Variants in KSR1 observed in about 807,000 individuals in gnomAD.
The protein encoded by KSR1 is kinase suppressor of ras 1, also known as kinase suppressor of ras.
KSR1 carries 35 observed loss-of-function variants against 92.9 expected under a neutral mutation model. The ratio of observed to expected loss-of-function variants is 0.38; its 90% CI spans 0.29 to 0.50. The LOEUF (loss-of-function observed/expected upper bound fraction) is 0.50. Among genes scored for constraint, KSR1 ranks in the 20% least tolerant of loss-of-function variants. The probability of loss-of-function intolerance (pLI) is 0.94; values close to 1 mark genes in which losing one functional copy is unlikely to be tolerated. For missense variants in KSR1, 972 were observed against 1,158.5 expected (o/e 0.84, Z 2.34); for synonymous variants, 467 against 472.6 (o/e 0.99, Z 0.15).
chr17:27,571,579 C>A (rs1384524568), intron 2 of KSR1, among the ~76,000 whole-genome samples: 1 of 152,230 alleles, frequency 6.6e-6, no homozygotes, highest in Non-Finnish European at 1.5e-5. Context: ...CTGGTCTGAC[C>A]AGTTCCTGGG....
intron 19 of KSR1, among the ~76,000 whole-genome samples, chr17:27,618,641 A>G (rs1162794573): frequency 1.3e-5 from 2 of 152,204 alleles, no homozygotes; most frequent in African/African-American, 4.8e-5. Flanking sequence ...AGCATAAACC[A>G]GGGAGCTGGC....
At chr17:27,485,694 G>A (rs1352764703) in intron 1 of KSR1, among the ~76,000 whole-genome samples, 2 of 152,178 alleles carry the variant, frequency 1.3e-5, no homozygotes, top group Non-Finnish European at 2.9e-5. Context: ...CACGTGTTGG[G>A]GGCAAAATCG....
intron 1 of KSR1, among the ~76,000 whole-genome samples, chr17:27,476,156 G>C (rs941543466): frequency 6.6e-6 from 1 of 152,234 alleles, no homozygotes; most frequent in African/African-American, 2.4e-5. Context: ...CTCCTGCCCC[G>C]GGGGGACCAT....
At position 27,599,664 on chromosome 17, in the gene KSR1, T is replaced by C. The variant is rs189790767; in HGVS notation, c.1469-1696T>C. On this transcript the variant is annotated intron_variant, in intron 10 of 20. Transcript: ENST00000644974. Reference sequence around the variant, plus strand: ...CTTTATAAACACTAAACACTTAGGCTATACTAAATTTATTTTAAAATATTC... The same window carrying C: ...CTTTATAAACACTAAACACTTAGGCCATACTAAATTTATTTTAAAATATTC... Among the ~76,000 whole-genome samples, 3 of 152,348 alleles carry C rather than the reference T, an allele frequency of 2.0e-5. No homozygotes were observed. In the East Asian group the frequency reaches 5.8e-4, roughly 29 times the overall value.
chr17:27,606,936 A>G (rs1171199639), intron 14 of KSR1, among the ~76,000 whole-genome samples: 1 of 152,084 alleles, frequency 6.6e-6, no homozygotes, highest in Non-Finnish European at 1.5e-5. Flanking sequence ...GGCTCAAGCA[A>G]TTTTCGTGCC....
rs1357520068 is a variant in KSR1 at position 27,597,560 on chromosome 17, A to G, written c.1468+124A>G. 3.8e-6 allele frequency: 4 copies of G among 1,044,008 alleles called. No individual in the cohort carries two copies. In the African/African-American group the frequency reaches 4.8e-5, roughly 13 times the overall value. The allele number at this position is 1,044,008 out of a possible 1,614,324, so 64.7% of individuals were successfully genotyped here. On this transcript the variant is annotated intron_variant, in intron 10 of 20. Coordinates refer to ENST00000644974, the MANE Select transcript of KSR1 (RefSeq NM_001394583.1). ...AGCTAAGAGCTGATGTTTATGAAGT[A>G]CTTGTCCGGCGCCCCAAGCACAATA... is the stretch of plus-strand genomic sequence containing the variant.
intron 1 of KSR1, among the ~76,000 whole-genome samples, chr17:27,508,363 T>A (rs1355666489): frequency 6.6e-6 from 1 of 152,212 alleles, no homozygotes; most frequent in African/African-American, 2.4e-5. Flanking sequence ...GGAACTTTTA[T>A]CATCCCTCTG....
intron 14 of KSR1, among the ~76,000 whole-genome samples, chr17:27,607,348 G>A (rs936426250): frequency 1.3e-5 from 2 of 151,930 alleles, no homozygotes; most frequent in Non-Finnish European, 1.5e-5. Flanking sequence ...CTCCTCACCC[G>A]GGGTTTTAGG....
intron 1 of KSR1, among the ~76,000 whole-genome samples, chr17:27,504,344 C>T (rs2069298941): frequency 6.6e-6 from 1 of 152,198 alleles, no homozygotes. Flanking sequence ...ATTTCCAGGG[C>T]AAAGTCTGTC....
chr17:27,476,629 CAGA>C (rs1463787108), intron 1 of KSR1, among the ~76,000 whole-genome samples: 1 of 152,212 alleles, frequency 6.6e-6, no homozygotes, highest in Non-Finnish European at 1.5e-5. Context: ...ATGGTTGACT[CAGA>C]AGGACTGAAA....
At chr17:27,514,582 C>T (rs1242540278) in intron 1 of KSR1, among the ~76,000 whole-genome samples, 4 of 151,636 alleles carry the variant, frequency 2.6e-5, no homozygotes, top group African/African-American at 9.7e-5. Flanking sequence ...ATCCCTTGAA[C>T]TCAGGAGGCA....
chr17:27,486,747 G>A (rs1038854877), intron 1 of KSR1, among the ~76,000 whole-genome samples: 1 of 152,164 alleles, frequency 6.6e-6, no homozygotes, highest in African/African-American at 2.4e-5. Context: ...GGAGGCACAA[G>A]CAAGGCGGGT....
chr17:27,488,541 A>G (rs1482317774), intron 1 of KSR1, among the ~76,000 whole-genome samples: 1 of 152,224 alleles, frequency 6.6e-6, no homozygotes, highest in Non-Finnish European at 1.5e-5. Context: ...AGAATGTGCT[A>G]TGAGAAGTCC....
At chr17:27,471,465 G>A (rs970568053) in intron 1 of KSR1, among the ~76,000 whole-genome samples, 1 of 152,144 alleles carries the variant, frequency 6.6e-6, no homozygotes, top group Non-Finnish European at 1.5e-5. Context: ...GCCTGGAGGA[G>A]TGTTCCCGGC....
At position 27,605,639 on chromosome 17, in the gene KSR1, G is replaced by A. The variant is rs1456487627; in HGVS notation, c.1820G>A (p.Arg607His). ...CAGGGCCGCTGGGGCCGGGTGCACC[G>A]CGGCCGCTGGCATGGCGAGGTGGCC... ...IGQGRWGRVH[R>H]GRWHGEVAIR... Residue 607 changes from arginine (R) to histidine (H), a missense_variant, in exon 14 of 21, where the codon CGC becomes CAC. Coordinates refer to ENST00000644974, the MANE Select transcript of KSR1 (RefSeq NM_001394583.1). 5.0e-6 allele frequency: 8 copies of A among 1,610,664 alleles called. No homozygotes were observed. The highest frequency in any genetic ancestry group is 4.5e-5 in the East Asian group (2 of 44,796).
chr17:27,599,758 T>G (rs2073480066), intron 10 of KSR1, among the ~76,000 whole-genome samples: 1 of 152,258 alleles, frequency 6.6e-6, no homozygotes, highest in South Asian at 2.1e-4. Context: ...TTTTTTTAAC[T>G]TGGACTCTTT....
In KSR1 at chr17:27,572,398, C is replaced by T. The variant is rs573039137; in HGVS notation, c.373-5094C>T. On this transcript the variant is annotated intron_variant, in intron 2 of 20. Coordinates refer to ENST00000644974, the MANE Select transcript of KSR1 (RefSeq NM_001394583.1). ...TGATGGTCTGGGCATCCATGTCTTCCGTTTTTGGTTTGTAGTTCCATATTT... is the reference window on the plus strand; with the variant it reads ...TGATGGTCTGGGCATCCATGTCTTCTGTTTTTGGTTTGTAGTTCCATATTT... 1.2e-4 allele frequency among the ~76,000 whole-genome samples: 18 copies of T among 152,300 alleles called. No homozygotes were observed. The South Asian group carries it at 1.9e-3, about 16-fold the overall frequency.
In KSR1 at chr17:27,625,501, CA is replaced by C. The variant is rs2074322199; in HGVS notation, c.*2111del. ...TGACCTGGTGGGGCCCTGTTGTCTT[CA>C]AGGAACCCAGAAGCCACTGGGCCCC... On this transcript the variant is annotated 3_prime_UTR_variant, in exon 21 of 21. Coordinates refer to ENST00000644974, the MANE Select transcript of KSR1 (RefSeq NM_001394583.1). 1 of 152,244 alleles carries C rather than the reference CA, an allele frequency of 6.6e-6. No individual in the cohort carries two copies. Among genetic ancestry groups the C allele is most frequent in the South Asian group, 2.1e-4 (1 of 4,830 alleles). 9.4% of individuals were successfully genotyped at this position (152,244 alleles called of 1,614,324 possible).
At chr17:27,546,124 G>A (rs111283110) in intron 1 of KSR1, among the ~76,000 whole-genome samples, 121 of 152,306 alleles carry the variant, frequency 7.9e-4, no homozygotes, top group African/African-American at 2.5e-3. Flanking sequence ...TTTCAGAGCC[G>A]CGTGGAATGG....
Sources: gnomAD v4.1 joint callset for allele counts (sites outside exome capture counted in the v4.1 genomes callset) on GRCh38, gnomAD v4.1.1 for gene constraint, MANE v1.5 for transcripts, NCBI Gene and HGNC (gene_info 2026-07-23, HGNC 2026-07-21) for gene names.